Variants in AKTIP observed in about 807,000 individuals in gnomAD.
The protein encoded by AKTIP is AKT-interacting protein.
Under a neutral mutation model 39.1 loss-of-function variants are expected in AKTIP, and 16 were observed. The observed-to-expected ratio is 0.41, with a 90% CI of 0.28 to 0.62. The LOEUF (loss-of-function observed/expected upper bound fraction) is 0.62. Ranked by LOEUF, AKTIP falls within the 20% of genes least tolerant of loss-of-function variation. The pLI, the probability that AKTIP is intolerant of heterozygous loss-of-function variation, is 0.32. For synonymous variants in AKTIP, 93 were observed against 124.3 expected (o/e 0.75, Z 1.67); for missense variants, 262 against 356.6 (o/e 0.73, Z 2.14).
Position 53,495,254 on chromosome 16 carries a change from C to T in AKTIP, c.313+8G>A. ...TGCCCATAAATTAAGAGTGAATCCT[C>T]ATCTTACTTAATGCAGAGCGATAAG... On this transcript the variant is annotated splice_region_variant and intron_variant, in intron 4 of 9. Transcript: ENST00000394657. 1 of 1,614,134 alleles carries T rather than the reference C, an allele frequency of 6.2e-7. No individual in the cohort carries two copies. Among genetic ancestry groups the T allele is most frequent in the South Asian group, 1.1e-5 (1 of 91,070 alleles).
chr16:53,492,665 G>T, intron 9 of AKTIP, 28 bp downstream of exon 9: 1 of 1,611,622 alleles, frequency 6.2e-7, no homozygotes, highest in Non-Finnish European at 8.5e-7. Flanking sequence ...CAATGAGTTA[G>T]CCATTTCATA....
In AKTIP at chr16:53,491,819, CAGTA is replaced by C. The variant is rs16745; in HGVS notation, c.*589_*592del. On this transcript the variant is annotated 3_prime_UTR_variant, in exon 10 of 10. Transcript: ENST00000394657. ...TTTTCTCCCTCCTGCCATAAAAATA[CAGTA>C]AGTAATTTGCTTAAAAAAAACAACA... The C allele has an allele frequency of 6.6e-6, 1 of 152,326 alleles. No homozygotes were observed. The highest frequency in any genetic ancestry group is 2.4e-5 in the African/African-American group (1 of 41,320). 9.4% of individuals were successfully genotyped at this position (152,326 alleles called of 1,614,324 possible). A position where few individuals can be genotyped will look rare whatever the true frequency, so the allele number is the denominator to read the frequency against.
chr16:53,494,074 G>A (rs756463260), intron 8 of AKTIP, 64 bp downstream of exon 8: 151 of 1,258,414 alleles, frequency 1.2e-4, no homozygotes, highest in Non-Finnish European at 1.7e-4. Flanking sequence ...GAGACCACCT[G>A]GAGAAAGGAA....
chr16:53,492,119 G>GCAA lies in AKTIP; in HGVS notation c.*290_*292dup. On this transcript the variant is annotated 3_prime_UTR_variant, in exon 10 of 10. Coordinates refer to ENST00000394657, the MANE Select transcript of AKTIP (RefSeq NM_022476.4). ...GTCTGCTCTATTAGTTTAAATGAAT[G>GCAA]CAACTTACCTTTAGCATTATATTCA... The GCAA allele has an allele frequency of 3.4e-6, 1 of 298,166 alleles. No individual in the cohort carries two copies. Among genetic ancestry groups the GCAA allele is most frequent in the Non-Finnish European group, 6.3e-6 (1 of 157,600 alleles). 18.5% of individuals were successfully genotyped at this position (298,166 alleles called of 1,614,324 possible).
At chr16:53,494,267 A>G (rs1167101387) in intron 7 of AKTIP, 22 bp from the exon 8 acceptor site, 3 of 1,612,264 alleles carry the variant, frequency 1.9e-6, no homozygotes, top group Non-Finnish European at 8.5e-7. Context: ...GTTTAAGTCA[A>G]AAAGTTACTA....
In AKTIP at chr16:53,500,275, CAAAG is replaced by C. The variant is rs747719653; in HGVS notation, c.-20_-17del. The C allele has an allele frequency of 3.9e-5, 63 of 1,610,884 alleles. No individual in the cohort carries two copies. Among genetic ancestry groups the C allele is most frequent in the East Asian group, 2.2e-4 (10 of 44,630 alleles). On this transcript the variant is annotated 5_prime_UTR_variant, in exon 2 of 10. Coordinates refer to ENST00000394657, the MANE Select transcript of AKTIP (RefSeq NM_022476.4). ...AAGGGTTCATAACGTGTATTCCAAA[CAAAG>C]AAAGTCAGTGGTGTATCATCCAAAT...
intron 3 of AKTIP, 74 bp downstream of exon 3, chr16:53,498,317 C>T (rs1055399667): frequency 6.9e-7 from 1 of 1,459,128 alleles, no homozygotes; most frequent in African/African-American, 1.4e-5. Flanking sequence ...TTTACTGCAT[C>T]CATCAGAATA....
At position 53,492,534 on chromosome 16, in the gene AKTIP, CA is replaced by C. The variant is rs768210729; in HGVS notation, c.772-16del. On this transcript the variant is annotated splice_polypyrimidine_tract_variant and intron_variant, in intron 9 of 9. Coordinates refer to ENST00000394657, the MANE Select transcript of AKTIP (RefSeq NM_022476.4). ...TCTTCAGGCTTCTTCTAGGCACAAT[CA>C]AAACAGATATTTAAAAAATTACTGG... The C allele has an allele frequency of 6.2e-6, 10 of 1,613,360 alleles. 1 individual carries two copies. The East Asian group carries it at 1.6e-4, about 25-fold the overall frequency.
Position 53,492,434 on chromosome 16 carries a change from T to G in AKTIP, c.857A>C (p.Glu286Ala). ...CTCTTAAGTCGCCACTGTTTTCTCT[T>G]CTTTACTGAAAGGCTGTACTGAGCC... ...KPGSVQPFSK[E>A]EKTVAT is the part of the protein sequence containing the mutation. The change falls in exon 10 of 10, where the codon GAA becomes GCA. Residue 286 changes from glutamate (E) to alanine (A), a missense_variant. By Grantham distance (107) the Glu-to-Ala change is moderately radical (BLOSUM62 -1). This residue lies in a region of AKTIP where 145 missense variants were observed against 159.3 expected (regional missense o/e 0.91). Coordinates refer to ENST00000394657, the MANE Select transcript of AKTIP (RefSeq NM_022476.4). 6.2e-7 allele frequency: 1 copy of G among 1,612,676 alleles called. No individual in the cohort carries two copies. The highest frequency in any genetic ancestry group is 1.7e-5 in the Admixed American group (1 of 60,024).
At chr16:53,502,832 G>T (rs968292146) in intron 1 of AKTIP, 4 of 152,106 alleles carry the variant, frequency 2.6e-5, no homozygotes, top group African/African-American at 7.2e-5. Context: ...AGAGCTCGGG[G>T]TCGGGACCCG....
At chr16:53,503,222 G>A (rs1278438953), upstream of AKTIP, 1 of 154,202 alleles carries the variant, frequency 6.5e-6, no homozygotes, top group East Asian at 1.9e-4. Context: ...CGCAGCGCCA[G>A]CCCTGCCCCT....
chr16:53,494,810 T>C (rs1197516090), intron 5 of AKTIP: 2 of 699,820 alleles, frequency 2.9e-6, no homozygotes, highest in East Asian at 5.4e-5. Flanking sequence ...CTCCCTCTCC[T>C]CCACTAGAGC....
At position 53,491,678 on chromosome 16, in the gene AKTIP, T is replaced by C. The variant is rs1414455610; in HGVS notation, c.*734A>G. 6.6e-6 allele frequency: 1 copy of C among 152,614 alleles called. No homozygotes were observed. The highest frequency in any genetic ancestry group is 1.5e-5 in the Non-Finnish European group (1 of 68,014). The allele number at this position is 152,614 out of a possible 1,614,324, so 9.5% of individuals were successfully genotyped here. On this transcript the variant is annotated 3_prime_UTR_variant, in exon 10 of 10. Coordinates refer to ENST00000394657, the MANE Select transcript of AKTIP (RefSeq NM_022476.4). ...TTGTTTGGTTATATTGAGAAAAGGG[T>C]AGTTTCCTGCATAAATGGCAAAGAA... is the stretch of plus-strand genomic sequence containing the variant.
chr16:53,492,968 G>A (rs982854743), intron 8 of AKTIP: 6 of 526,816 alleles, frequency 1.1e-5, no homozygotes, highest in Non-Finnish European at 2.1e-5. Flanking sequence ...ACCACCCCTT[G>A]AAGTACTGTT....
intron 1 of AKTIP, among the ~76,000 whole-genome samples, chr16:53,500,860 A>AT (rs1962126904): frequency 6.6e-6 from 1 of 152,208 alleles, no homozygotes; most frequent in Non-Finnish European, 1.5e-5. Context: ...GATGTCTATA[A>AT]GAATCTGTGC....
intron 3 of AKTIP, among the ~76,000 whole-genome samples, chr16:53,496,463 TACA>T: frequency 6.7e-6 from 1 of 149,430 alleles, no homozygotes; most frequent in East Asian, 2.0e-4. Context: ...CACTGACCAT[TACA>T]ACATTAATAC....
At chr16:53,502,480 T>A (rs756406447) in intron 1 of AKTIP, among the ~76,000 whole-genome samples, 1 of 151,974 alleles carries the variant, frequency 6.6e-6, no homozygotes, top group Non-Finnish European at 1.5e-5. Flanking sequence ...AAAACATGAG[T>A]GCTGCTGTTA....
At chr16:53,502,318 GAAGC>G (rs943013420) in intron 1 of AKTIP, among the ~76,000 whole-genome samples, 3 of 152,334 alleles carry the variant, frequency 2.0e-5, no homozygotes, top group Admixed American at 2.0e-4. Flanking sequence ...GACATAGATG[GAAGC>G]AAGACATGTT....
Position 53,491,691 on chromosome 16 carries a change from A to G in AKTIP, c.*721T>C, listed in dbSNP as rs1215117623. The G allele has an allele frequency of 6.6e-6, 1 of 152,662 alleles. No homozygotes were observed. Among genetic ancestry groups the G allele is most frequent in the African/African-American group, 2.4e-5 (1 of 41,460 alleles). The allele number at this position is 152,662 out of a possible 1,614,324, so 9.5% of individuals were successfully genotyped here. On this transcript the variant is annotated 3_prime_UTR_variant, in exon 10 of 10. Transcript: ENST00000394657. Reference sequence around the variant, plus strand: ...TTGAGAAAAGGGTAGTTTCCTGCATAAATGGCAAAGAACAATCATTTATTG... The same window carrying G: ...TTGAGAAAAGGGTAGTTTCCTGCATGAATGGCAAAGAACAATCATTTATTG...
Sources: gnomAD v4.1 joint callset for allele counts (sites outside exome capture counted in the v4.1 genomes callset) on GRCh38, gnomAD v4.1.1 for gene constraint, gnomAD v4.1.1 regional missense constraint, MANE v1.5 for transcripts, NCBI Gene and HGNC (gene_info 2026-07-23, HGNC 2026-07-21) for gene names.